Variants in COL9A1 observed in about 807,000 individuals in gnomAD.
The protein encoded by COL9A1 is collagen type IX alpha 1 chain.
A neutral mutation model predicts 142.6 loss-of-function variants in COL9A1; 104 were observed. The ratio of observed to expected loss-of-function variants is 0.73; its 90% CI spans 0.62 to 0.86. The LOEUF is 0.86. Ranked by LOEUF, COL9A1 falls within the 40% of genes least tolerant of loss-of-function variation. The probability of loss-of-function intolerance (pLI) is 0.00; values close to 1 mark genes in which losing one functional copy is unlikely to be tolerated. For synonymous variants in COL9A1, 466 were observed against 396.0 expected (o/e 1.18, Z -2.10); for missense variants, 1,210 against 1,176.6 (o/e 1.03, Z -0.42).
chr6:70,283,294 C>G (rs370442885), intron 6 of COL9A1: 31 of 1,377,674 alleles, frequency 2.3e-5, no homozygotes, highest in Middle Eastern at 2.6e-4. Context: ...AGAATGACAA[C>G]AGTCGCCCTT....
At chr6:70,245,584 CCCATGA>C (rs978153040) in intron 28 of COL9A1, 7 of 152,066 alleles carry the variant, frequency 4.6e-5, no homozygotes, top group African/African-American at 1.7e-4. Flanking sequence ...ATTTATAAAT[CCCATGA>C]CAACAAGAGT....
intron 4 of COL9A1, among the ~76,000 whole-genome samples, chr6:70,296,204 G>A (rs529818414): frequency 3.5e-4 from 53 of 152,076 alleles, no homozygotes; most frequent in Admixed American, 7.2e-4. Context: ...TAACAAAAAG[G>A]TTAACTTTTC....
chr6:70,219,314 G>A (rs771982291), intron 37 of COL9A1, among the ~76,000 whole-genome samples: 4 of 152,160 alleles, frequency 2.6e-5, no homozygotes, highest in Non-Finnish European at 5.9e-5. Flanking sequence ...GGCTGGGATG[G>A]TCATTGAGAT....
intron 18 of COL9A1, among the ~76,000 whole-genome samples, chr6:70,265,500 CTTT>C (rs57504613): frequency 2.1e-4 from 29 of 136,562 alleles, no homozygotes; most frequent in African/African-American, 6.1e-4. Flanking sequence ...TGTGCTTGTA[CTTT>C]TTTTTTTTTT....
chr6:70,240,648 T>C, intron 32 of COL9A1, 41 bp downstream of exon 32: 1 of 1,494,588 alleles, frequency 6.7e-7, no homozygotes, highest in Non-Finnish European at 9.3e-7. Context: ...CAGTTCAAAA[T>C]TGGTAAAGCT....
chr6:70,237,233 T>A (rs1025901638), intron 33 of COL9A1, among the ~76,000 whole-genome samples: 4 of 152,204 alleles, frequency 2.6e-5, no homozygotes, highest in Non-Finnish European at 2.9e-5. Context: ...CTGCTGATAA[T>A]GACTGAAATA....
intron 37 of COL9A1, chr6:70,222,872 A>G (rs1768975815): frequency 6.6e-6 from 1 of 152,190 alleles, no homozygotes; most frequent in Non-Finnish European, 1.5e-5. Flanking sequence ...AGACGGTTCC[A>G]GACAAATTAC....
At chr6:70,226,293 T>C (rs1319501088) in intron 36 of COL9A1, among the ~76,000 whole-genome samples, 1 of 152,162 alleles carries the variant, frequency 6.6e-6, no homozygotes, top group Admixed American at 6.5e-5. Context: ...CAATGGCCAC[T>C]TCCTAAACAC....
intron 17 of COL9A1, among the ~76,000 whole-genome samples, chr6:70,267,338 T>TTTTTTTTTTTTTTTTTG (rs1772090183): frequency 6.7e-6 from 1 of 150,036 alleles, no homozygotes; most frequent in African/African-American, 2.4e-5. Context: ...TTTTTTTTTT[T>TTTTTTTTTTTTTTTTTG]TGAGATGGAG....
At chr6:70,258,225 A>C (rs1335623002) in intron 20 of COL9A1, among the ~76,000 whole-genome samples, 2 of 152,188 alleles carry the variant, frequency 1.3e-5, no homozygotes, top group Non-Finnish European at 2.9e-5. Flanking sequence ...CTTATCTACT[A>C]AGTGAATAAA....
intron 36 of COL9A1, among the ~76,000 whole-genome samples, chr6:70,230,437 C>T (rs1769472920): frequency 1.3e-5 from 2 of 151,962 alleles, no homozygotes; most frequent in African/African-American, 4.8e-5. Flanking sequence ...AAAAAAAATC[C>T]TTTGGAAAAG....
chr6:70,266,664 G>A (rs2127586154), intron 18 of COL9A1, 53 bp downstream of exon 18: 2 of 1,334,722 alleles, frequency 1.5e-6, no homozygotes, highest in Non-Finnish European at 2.2e-6. Context: ...TATAATGAAA[G>A]TGACCAATAA....
chr6:70,216,705 A>G lies in COL9A1; in HGVS notation c.*192T>C. ...TGCTGTCTTCCCTCCAAGGGAAAGG[A>G]AAGAGAACTTACTGAATAGCACCGT... On this transcript the variant is annotated 3_prime_UTR_variant, in exon 38 of 38. Coordinates refer to ENST00000357250, the MANE Select transcript of COL9A1 (RefSeq NM_001851.6). 1.5e-6 allele frequency: 1 copy of G among 649,338 alleles called. No homozygotes were observed. The highest frequency in any genetic ancestry group is 2.7e-6 in the Non-Finnish European group (1 of 363,810). 40.2% of individuals were successfully genotyped at this position (649,338 alleles called of 1,614,324 possible).
chr6:70,237,850 T>TCTTTGC (rs1770011871), intron 33 of COL9A1, among the ~76,000 whole-genome samples: 1 of 152,226 alleles, frequency 6.6e-6, no homozygotes, highest in Admixed American at 6.5e-5. Context: ...AGCCCAAGGC[T>TCTTTGC]AGGCATTGTA....
intron 10 of COL9A1, among the ~76,000 whole-genome samples, chr6:70,276,380 A>G (rs1305667212): frequency 6.6e-6 from 1 of 152,166 alleles, no homozygotes; most frequent in Admixed American, 6.5e-5. Context: ...AATTCTGTTC[A>G]ATTTTCATAC....
At chr6:70,255,072 C>T in intron 23 of COL9A1, 56 bp from the exon 24 acceptor site, 1 of 1,613,292 alleles carries the variant, frequency 6.2e-7, no homozygotes, top group Non-Finnish European at 8.5e-7. Context: ...TTCTTTTTCC[C>T]TTCATTATTT....
chr6:70,294,769 A>C (rs1352744668), intron 4 of COL9A1, among the ~76,000 whole-genome samples: 1 of 152,216 alleles, frequency 6.6e-6, no homozygotes, highest in South Asian at 2.1e-4. Context: ...GTCCGTCTTA[A>C]ATTACACATT....
In COL9A1 at chr6:70,266,643, T is replaced by A; in HGVS notation, c.1341+74A>T. ...ATCGAGGTTCATTATTTCCTATAAT[T>A]CCTAATTTCTTATAATGAAAGTGAC... On this transcript the variant is annotated intron_variant, in intron 18 of 37. Coordinates refer to ENST00000357250, the MANE Select transcript of COL9A1 (RefSeq NM_001851.6). 5.2e-6 allele frequency: 6 copies of A among 1,164,878 alleles called. 1 individual carries two copies. Among genetic ancestry groups the A allele is most frequent in the Middle Eastern group, 1.9e-4 (1 of 5,216 alleles). 72.2% of individuals were successfully genotyped at this position (1,164,878 alleles called of 1,614,324 possible).
At chr6:70,259,440 C>G (rs893998386) in intron 20 of COL9A1, among the ~76,000 whole-genome samples, 2 of 152,116 alleles carry the variant, frequency 1.3e-5, no homozygotes, top group African/African-American at 4.8e-5. Flanking sequence ...TAACCATTTT[C>G]TTAAAATCTG....
Sources: allele counts gnomAD v4.1 joint callset (sites outside exome capture counted in the v4.1 genomes callset), GRCh38; gene constraint gnomAD v4.1.1; transcripts MANE v1.5; gene names NCBI Gene and HGNC (gene_info 2026-07-23, HGNC 2026-07-21).